Variants in TMOD1 observed in about 807,000 individuals in gnomAD.
The protein encoded by TMOD1 is tropomodulin 1, also known as tropomodulin-1.
Under a neutral mutation model 40.6 loss-of-function variants are expected in TMOD1, and 17 were observed. That is an observed-to-expected ratio of 0.42 (90% CI 0.29 to 0.63). The LOEUF (loss-of-function observed/expected upper bound fraction) is 0.63. Among genes scored for constraint, TMOD1 ranks in the 20% least tolerant of loss-of-function variants. The probability of loss-of-function intolerance (pLI) is 0.22; values close to 1 mark genes in which losing one functional copy is unlikely to be tolerated. For synonymous variants in TMOD1, 181 were observed against 175.0 expected, an observed-to-expected ratio of 1.03 and a Z score of -0.27; for missense variants, 391 against 447.6, an observed-to-expected ratio of 0.87 and a Z score of 1.14.
intron 1 of TMOD1, among the ~76,000 whole-genome samples, chr9:97,507,785 T>A (rs987834425): frequency 6.6e-6 from 1 of 152,024 alleles, no homozygotes; most frequent in African/African-American, 2.4e-5. Flanking sequence ...GGGGACAAGA[T>A]GAATGGGAGG....
intron 8 of TMOD1, among the ~76,000 whole-genome samples, chr9:97,581,948 C>T (rs1009142085): frequency 6.7e-6 from 1 of 148,446 alleles, no homozygotes; most frequent in Non-Finnish European, 1.5e-5. Context: ...TTGTAGGTTG[C>T]CTGTTCACTC....
intron 9 of TMOD1, 62 bp downstream of exon 9, chr9:97,591,497 G>C (rs1826000692): frequency 1.3e-6 from 2 of 1,558,778 alleles, no homozygotes; most frequent in African/African-American, 2.8e-5. Flanking sequence ...CCTGTGCTGG[G>C]GATGTCAGGG....
intron 2 of TMOD1, among the ~76,000 whole-genome samples, chr9:97,531,658 A>G (rs987109441): frequency 2.0e-5 from 3 of 152,158 alleles, no homozygotes; most frequent in Non-Finnish European, 2.9e-5. Context: ...AGGACGAAAT[A>G]TGGAAAACAG....
At chr9:97,559,025 G>A (rs1436302869) in intron 4 of TMOD1, among the ~76,000 whole-genome samples, 1 of 152,158 alleles carries the variant, frequency 6.6e-6, no homozygotes, top group Non-Finnish European at 1.5e-5. Flanking sequence ...ACAGGAAGCT[G>A]GCATCTGTGT....
At chr9:97,555,327 G>A (rs1290549104) in intron 4 of TMOD1, 2 of 1,169,104 alleles carry the variant, frequency 1.7e-6, no homozygotes, top group Admixed American at 4.4e-5. Flanking sequence ...CATGGACTGG[G>A]GCTGTTTTTA....
intron 7 of TMOD1, among the ~76,000 whole-genome samples, chr9:97,566,527 T>A (rs1830730775): frequency 6.6e-6 from 1 of 151,976 alleles, no homozygotes; most frequent in Non-Finnish European, 1.5e-5. Flanking sequence ...AAAAATTACC[T>A]GGGCTTGGTG....
intron 7 of TMOD1, among the ~76,000 whole-genome samples, chr9:97,566,851 A>G (rs1008249429): frequency 3.8e-5 from 4 of 105,248 alleles, no homozygotes; most frequent in Middle Eastern, 7.4e-3. Context: ...ATGTATTGAG[A>G]GTCTCTCTGT....
chr9:97,601,441 C>T lies in TMOD1; in HGVS notation c.*1743C>T, dbSNP rs1227018855. Reference sequence around the variant, plus strand: ...GCTTATATGAAGCTCCCAGAGAGAACATTTAAAAGCTCAGAGAGTAAGTGC... The same window carrying T: ...GCTTATATGAAGCTCCCAGAGAGAATATTTAAAAGCTCAGAGAGTAAGTGC... On this transcript the variant is annotated 3_prime_UTR_variant, in exon 10 of 10. Transcript: ENST00000259365. The T allele has an allele frequency of 9.8e-7, 1 of 1,019,484 alleles. No homozygotes were observed. The highest frequency in any genetic ancestry group is 1.1e-4 in the East Asian group (1 of 9,398). The allele number at this position is 1,019,484 out of a possible 1,614,324, so 63.2% of individuals were successfully genotyped here.
At chr9:97,522,394 G>A (rs1387073199) in intron 1 of TMOD1, among the ~76,000 whole-genome samples, 1 of 151,972 alleles carries the variant, frequency 6.6e-6, no homozygotes, top group Non-Finnish European at 1.5e-5. Context: ...AAAATATATT[G>A]GATTAGGGGC....
rs57396096 is a variant in TMOD1, at chr9:97,580,971, T to TTTTTATTTTATTTTA, written c.871-10316_871-10302dup. Among the ~76,000 whole-genome samples, 55 of 132,394 alleles carry TTTTTATTTTATTTTA rather than the reference T, an allele frequency of 4.2e-4. 1 individual carries two copies. The highest frequency in any genetic ancestry group is 4.3e-3 in the Middle Eastern group (1 of 232). The allele number at this position is 132,394 out of a possible 152,430, so 86.9% of individuals were successfully genotyped here. A position where few individuals can be genotyped will look rare whatever the true frequency, so the allele number is the denominator to read the frequency against. ...TTTTTTTTTCACTTGGCATAATTCT[T>TTTTTATTTTATTTTA]TTTTATTTTATTTTATTTCTTTTTT... On this transcript the variant is annotated intron_variant, in intron 8 of 9. Transcript: ENST00000259365.
At chr9:97,592,438 AAAAG>A (rs1428982654) in intron 9 of TMOD1, among the ~76,000 whole-genome samples, 3 of 152,184 alleles carry the variant, frequency 2.0e-5, no homozygotes, top group Non-Finnish European at 4.4e-5. Flanking sequence ...TGAAAAAAAA[AAAAG>A]AAAAGCCTCT....
chr9:97,564,216 G>A (rs930308390), intron 6 of TMOD1, 48 bp downstream of exon 6: 2 of 1,547,856 alleles, frequency 1.3e-6, no homozygotes, highest in African/African-American at 1.4e-5. Context: ...GGGGGAGGGG[G>A]AACCATGTCA....
intron 4 of TMOD1, among the ~76,000 whole-genome samples, chr9:97,558,820 A>G (rs995496529): frequency 2.0e-5 from 3 of 152,208 alleles, no homozygotes; most frequent in African/African-American, 7.2e-5. Flanking sequence ...ATGGGTAGGT[A>G]AGAGATCAGT....
chr9:97,533,655 G>T (rs974224529), intron 2 of TMOD1, among the ~76,000 whole-genome samples: 11 of 152,252 alleles, frequency 7.2e-5, no homozygotes, highest in African/African-American at 2.4e-4. Context: ...TCCATATGGA[G>T]TTTAAACCTT....
At chr9:97,546,929 C>CAAAAA (rs71308254) in intron 3 of TMOD1, among the ~76,000 whole-genome samples, 26 of 55,174 alleles carry the variant, frequency 4.7e-4, no homozygotes, top group South Asian at 8.8e-4. Flanking sequence ...ACTCCGTCTC[C>CAAAAA]AAAAAAAAAA....
intron 8 of TMOD1, among the ~76,000 whole-genome samples, chr9:97,589,333 T>C (rs534205475): frequency 4.2e-5 from 6 of 143,732 alleles, no homozygotes; most frequent in Non-Finnish European, 9.0e-5. Context: ...CAGGCTGGAG[T>C]GCAGTGGCGC....
chr9:97,550,455 TTTCCA>T, intron 3 of TMOD1, among the ~76,000 whole-genome samples: 1 of 152,224 alleles, frequency 6.6e-6, no homozygotes, highest in Admixed American at 6.5e-5. Context: ...CTAAACTTCT[TTTCCA>T]TAGCAACCAT....
Position 97,544,632 on chromosome 9 carries a change from A to G in TMOD1, c.121-1553A>G, listed in dbSNP as rs1057373151. Among the ~76,000 whole-genome samples the G allele has an allele frequency of 3.9e-5, 6 of 152,136 alleles. No homozygotes were observed. In the East Asian group the frequency reaches 1.2e-3, roughly 29 times the overall value. On this transcript the variant is annotated intron_variant, in intron 2 of 9. Transcript: ENST00000259365. Reference sequence around the variant, plus strand: ...ATGTGCCAGGCATACAGTGATCTTCATATCCCTGATAACAGTCCCCTCACA... The same window carrying G: ...ATGTGCCAGGCATACAGTGATCTTCGTATCCCTGATAACAGTCCCCTCACA...
chr9:97,541,758 C>T (rs1434795476), intron 2 of TMOD1, among the ~76,000 whole-genome samples: 2 of 152,168 alleles, frequency 1.3e-5, no homozygotes, highest in Admixed American at 6.5e-5. Context: ...TCAGGTGACC[C>T]ACCCACCTTG....
Sources: gnomAD v4.1 joint callset for allele counts (sites outside exome capture counted in the v4.1 genomes callset) on GRCh38, gnomAD v4.1.1 for gene constraint, MANE v1.5 for transcripts, NCBI Gene and HGNC (gene_info 2026-07-23, HGNC 2026-07-21) for gene names.